The following PRKACB variants were observed in gnomAD, a reference collection of about 807,000 sequenced individuals.
PRKACB encodes the protein protein kinase cAMP-activated catalytic subunit beta.
A neutral mutation model predicts 51.4 loss-of-function variants in PRKACB; 16 were observed. That is an observed-to-expected ratio of 0.31 (90% confidence interval 0.21 to 0.47). The LOEUF (loss-of-function observed/expected upper bound fraction) is 0.47, where lower values mean the gene tolerates loss of function less well. PRKACB is among the 20% of genes least tolerant of loss of function. The pLI, the probability that PRKACB is intolerant of heterozygous loss-of-function variation, is 1.00. For missense variants in PRKACB, 309 were observed against 464.5 expected, an observed-to-expected ratio of 0.67 and a Z score of 3.08; for synonymous variants, 147 against 154.4, an observed-to-expected ratio of 0.95 and a Z score of 0.35.
At chr1:84,162,004 T>A (rs975771814) in intron 1 of PRKACB, among the ~76,000 whole-genome samples, 1 of 152,044 alleles carries the variant, frequency 6.6e-6, no homozygotes, top group Non-Finnish European at 1.5e-5. Flanking sequence ...ACAACAAATA[T>A]CCTCCGTTGT....
chr1:84,128,483 TG>T (rs1651851705), intron 1 of PRKACB, among the ~76,000 whole-genome samples: 1 of 152,204 alleles, frequency 6.6e-6, no homozygotes, highest in Non-Finnish European at 1.5e-5. Context: ...AAATCTTGTT[TG>T]AACAGTTTGG....
At chr1:84,173,443 T>C in intron 1 of PRKACB, 1 of 1,132,644 alleles carries the variant, frequency 8.8e-7, no homozygotes, top group Non-Finnish European at 1.3e-6. Context: ...AATTAGAATA[T>C]TTTGTGTTGA....
chr1:84,215,979 A>T (rs1306664284), intron 9 of PRKACB, among the ~76,000 whole-genome samples: 1 of 152,136 alleles, frequency 6.6e-6, no homozygotes, highest in African/African-American at 2.4e-5. Context: ...GGAAAAAAAA[A>T]TTTAATGCTC....
At chr1:84,164,804 T>G in intron 1 of PRKACB, 1 of 1,382,984 alleles carries the variant, frequency 7.2e-7, no homozygotes, top group Non-Finnish European at 9.3e-7. Flanking sequence ...TTACTAGTGA[T>G]ATCTCATGCT....
chr1:84,122,295 T>A (rs1279456663), intron 1 of PRKACB, among the ~76,000 whole-genome samples: 2 of 152,220 alleles, frequency 1.3e-5, no homozygotes, highest in Admixed American at 1.3e-4. Flanking sequence ...AAAATAACCA[T>A]GTTAAGACAA....
intron 1 of PRKACB, among the ~76,000 whole-genome samples, chr1:84,100,276 T>G (rs1476935740): frequency 6.6e-6 from 1 of 152,088 alleles, no homozygotes; most frequent in African/African-American, 2.4e-5. Context: ...CATGATCCAA[T>G]CACTTCCCAC....
At chr1:84,083,288 T>C (rs1647693989) in intron 1 of PRKACB, among the ~76,000 whole-genome samples, 1 of 152,234 alleles carries the variant, frequency 6.6e-6, no homozygotes, top group African/African-American at 2.4e-5. Context: ...TTATGCAATT[T>C]TGATGATAAA....
chr1:84,170,882 A>C (rs1659234655), intron 1 of PRKACB, among the ~76,000 whole-genome samples: 1 of 151,718 alleles, frequency 6.6e-6, no homozygotes, highest in South Asian at 2.1e-4. Context: ...ATATAGATAG[A>C]GAATTCTTAC....
At chr1:84,086,976 C>G (rs1244241706) in intron 1 of PRKACB, among the ~76,000 whole-genome samples, 1 of 152,206 alleles carries the variant, frequency 6.6e-6, no homozygotes, top group Non-Finnish European at 1.5e-5. Context: ...CCTAAAAAGA[C>G]AAATTTATGA....
chr1:84,188,032 C>T (rs1665687853), intron 5 of PRKACB, among the ~76,000 whole-genome samples: 1 of 151,884 alleles, frequency 6.6e-6, no homozygotes, highest in Non-Finnish European at 1.5e-5. Flanking sequence ...TTTTACTGGA[C>T]CTGTGCAAAT....
At chr1:84,135,156 A>G (rs543656857) in intron 1 of PRKACB, among the ~76,000 whole-genome samples, 28 of 152,286 alleles carry the variant, frequency 1.8e-4, no homozygotes, top group African/African-American at 6.5e-4. Context: ...CTTCAGAGCA[A>G]TAAACATCAG....
chr1:84,190,964 G>A (rs1666610392), intron 5 of PRKACB, among the ~76,000 whole-genome samples: 1 of 151,984 alleles, frequency 6.6e-6, no homozygotes, highest in South Asian at 2.1e-4. Context: ...GCAGACAGTT[G>A]GGACTTTTCT....
chr1:84,164,564 T>A, intron 1 of PRKACB: 1 of 1,401,018 alleles, frequency 7.1e-7, no homozygotes, highest in Non-Finnish European at 9.6e-7. Flanking sequence ...TCTGGTGGAT[T>A]AAAGCTTTAG....
intron 2 of PRKACB, among the ~76,000 whole-genome samples, chr1:84,179,648 CT>C (rs1029766403): frequency 3.4e-4 from 51 of 151,788 alleles, no homozygotes; most frequent in African/African-American, 1.2e-3. Context: ...ACACAGGCAT[CT>C]TTTTTATCAT....
chr1:84,153,698 A>T (rs115709140), intron 1 of PRKACB, among the ~76,000 whole-genome samples: 1,698 of 152,224 alleles, frequency 0.011, 42 homozygotes, highest in African/African-American at 0.039. Context: ...ATTTCACTTA[A>T]TATAATGTCT....
intron 5 of PRKACB, among the ~76,000 whole-genome samples, chr1:84,195,742 G>A (rs762619480): frequency 1.6e-4 from 24 of 151,796 alleles, no homozygotes; most frequent in Non-Finnish European, 3.2e-4. Context: ...GTGAAACCCC[G>A]TCTCTACTGA....
intron 9 of PRKACB, among the ~76,000 whole-genome samples, chr1:84,220,921 G>T (rs2101623457): frequency 6.6e-6 from 1 of 152,126 alleles, no homozygotes. Context: ...TTGTGTGCTT[G>T]TCTGGTTTTG....
At chr1:84,198,999 G>A (rs1358820694) in intron 7 of PRKACB, among the ~76,000 whole-genome samples, 2 of 145,710 alleles carry the variant, frequency 1.4e-5, no homozygotes, top group Admixed American at 6.9e-5. Flanking sequence ...ATGTATATGT[G>A]TATATATACA....
chr1:84,133,683 A>T (rs973540515), intron 1 of PRKACB, among the ~76,000 whole-genome samples: 3 of 152,056 alleles, frequency 2.0e-5, no homozygotes, highest in Admixed American at 2.0e-4. Flanking sequence ...CGGGAGGGGG[A>T]GCACAGCTGA....
Sources: allele counts gnomAD v4.1 joint callset (sites outside exome capture counted in the v4.1 genomes callset), GRCh38; gene constraint gnomAD v4.1.1; transcripts MANE v1.5; gene names NCBI Gene and HGNC (gene_info 2026-07-23, HGNC 2026-07-21).